Variants in GRIN2A observed in about 807,000 individuals in gnomAD.
GRIN2A encodes the protein glutamate ionotropic receptor NMDA type subunit 2A, also known as glutamate receptor ionotropic, NMDA 2A.
A neutral mutation model predicts 113.4 loss-of-function variants in GRIN2A; 22 were observed. That is an observed-to-expected ratio of 0.19 (90% CI 0.14 to 0.28). GRIN2A has a LOEUF of 0.28. Ranked by LOEUF, GRIN2A falls within the 10% of genes least tolerant of loss-of-function variation. The pLI is 1.00. For missense variants in GRIN2A, 1,502 were observed against 1,887.0 expected, an observed-to-expected ratio of 0.80 and a Z score of 3.78; for synonymous variants, 827 against 738.4, an observed-to-expected ratio of 1.12 and a Z score of -1.94.
intron 11 of GRIN2A, among the ~76,000 whole-genome samples, chr16:9,778,285 C>G (rs1234011740): frequency 1.3e-5 from 2 of 152,126 alleles, no homozygotes; most frequent in African/African-American, 4.8e-5. Context: ...ATCCAGGAAA[C>G]CTTATTATAT....
chr16:9,883,690 A>C (rs998760821), intron 4 of GRIN2A, among the ~76,000 whole-genome samples: 15 of 152,194 alleles, frequency 9.9e-5, no homozygotes, highest in African/African-American at 3.6e-4. Context: ...GACTTTGGAC[A>C]AGGTGATATT....
chr16:9,832,079 A>G (rs1445684230), intron 8 of GRIN2A, among the ~76,000 whole-genome samples: 2 of 146,802 alleles, frequency 1.4e-5, no homozygotes, highest in Admixed American at 1.4e-4. Flanking sequence ...TCATCACGCC[A>G]GGCTTATTTT....
At chr16:9,922,449 G>T (rs1282880581) in intron 3 of GRIN2A, among the ~76,000 whole-genome samples, 1 of 152,114 alleles carries the variant, frequency 6.6e-6, no homozygotes, top group South Asian at 2.1e-4. Context: ...TAAAAACTCG[G>T]ATGAAGGCAG....
At chr16:9,936,407 C>T (rs9932200) in intron 3 of GRIN2A, among the ~76,000 whole-genome samples, 2,129 of 152,240 alleles carry the variant, frequency 0.014, 51 homozygotes, top group African/African-American at 0.049. Flanking sequence ...GCAAGTCATA[C>T]AGAAAGTGGA....
At chr16:9,827,467 G>A (rs1407289056) in intron 9 of GRIN2A, among the ~76,000 whole-genome samples, 1 of 152,204 alleles carries the variant, frequency 6.6e-6, no homozygotes, top group Admixed American at 6.5e-5. Context: ...TTAAGGCCAA[G>A]TCTCCATCTC....
chr16:9,804,773 G>A (rs989326389), intron 10 of GRIN2A, among the ~76,000 whole-genome samples: 1 of 152,146 alleles, frequency 6.6e-6, no homozygotes, highest in Non-Finnish European at 1.5e-5. Context: ...CTACATGACA[G>A]GCTCACCCCC....
intron 2 of GRIN2A, among the ~76,000 whole-genome samples, chr16:10,080,952 G>A (rs2047967572): frequency 6.6e-6 from 1 of 152,104 alleles, no homozygotes; most frequent in Non-Finnish European, 1.5e-5. Context: ...TCGCCTCCCT[G>A]TTAGACTCTG....
At chr16:9,910,784 T>C (rs1475417720) in intron 3 of GRIN2A, among the ~76,000 whole-genome samples, 2 of 152,110 alleles carry the variant, frequency 1.3e-5, no homozygotes, top group Non-Finnish European at 1.5e-5. Context: ...ACCATCTGCC[T>C]GCCTTGGCCT....
intron 9 of GRIN2A, among the ~76,000 whole-genome samples, chr16:9,825,807 C>CA (rs1434681418): frequency 6.6e-5 from 10 of 152,226 alleles, no homozygotes; most frequent in African/African-American, 1.9e-4. Context: ...TGCCCAGAGA[C>CA]AGCATGGCTC....
intron 2 of GRIN2A, among the ~76,000 whole-genome samples, chr16:10,100,148 G>T (rs1455071712): frequency 6.6e-6 from 1 of 152,170 alleles, no homozygotes; most frequent in African/African-American, 2.4e-5. Context: ...CAGGTGAGAC[G>T]TGGGGCTCCA....
chr16:9,995,575 C>G (rs975359634), intron 2 of GRIN2A, among the ~76,000 whole-genome samples: 1 of 152,146 alleles, frequency 6.6e-6, no homozygotes, highest in African/African-American at 2.4e-5. Context: ...AAGGAGGGGT[C>G]CAAACCAGTC....
chr16:9,834,664 G>C (rs1332884740), intron 7 of GRIN2A, among the ~76,000 whole-genome samples: 2 of 152,202 alleles, frequency 1.3e-5, no homozygotes, highest in African/African-American at 4.8e-5. Flanking sequence ...TTACAGGCGT[G>C]AGCCACTGCT....
intron 11 of GRIN2A, among the ~76,000 whole-genome samples, chr16:9,791,728 A>T (rs1158067964): frequency 6.6e-6 from 1 of 151,978 alleles, no homozygotes; most frequent in African/African-American, 2.4e-5. Flanking sequence ...AACACTTTCT[A>T]TTCTGCCTGC....
intron 2 of GRIN2A, among the ~76,000 whole-genome samples, chr16:9,995,847 G>C (rs1233770311): frequency 6.6e-6 from 1 of 151,926 alleles, no homozygotes; most frequent in African/African-American, 2.4e-5. Flanking sequence ...TAAGGCTTAT[G>C]GGATCTATGT....
At chr16:9,920,693 C>A (rs531689820) in intron 3 of GRIN2A, among the ~76,000 whole-genome samples, 1 of 151,786 alleles carries the variant, frequency 6.6e-6, no homozygotes, top group Admixed American at 6.6e-5. Context: ...AGCCTCCTGC[C>A]GTAGCTGGGA....
intron 2 of GRIN2A, among the ~76,000 whole-genome samples, chr16:9,991,747 G>T (rs1006641905): frequency 6.6e-6 from 1 of 152,130 alleles, no homozygotes; most frequent in Non-Finnish European, 1.5e-5. Context: ...CATGTCCTTC[G>T]CAGAGACATG....
chr16:10,100,808 T>G (rs1567298919), intron 2 of GRIN2A, among the ~76,000 whole-genome samples: 1 of 152,208 alleles, frequency 6.6e-6, no homozygotes, highest in Non-Finnish European at 1.5e-5. Context: ...AAAACTGATT[T>G]GAATGGCCCA....
chr16:9,999,766 A>T (rs990676531), intron 2 of GRIN2A, among the ~76,000 whole-genome samples: 1 of 152,144 alleles, frequency 6.6e-6, no homozygotes, highest in African/African-American at 2.4e-5. Flanking sequence ...ATCAAGCAAG[A>T]TACGGAGGCT....
At chr16:9,845,956 G>A (rs980362543) in intron 5 of GRIN2A, among the ~76,000 whole-genome samples, 10 of 152,258 alleles carry the variant, frequency 6.6e-5, no homozygotes, top group Admixed American at 3.9e-4. Context: ...TATCCCCTGT[G>A]CCCAGCAATG....
Sources: allele counts gnomAD v4.1 joint callset (sites outside exome capture counted in the v4.1 genomes callset), GRCh38; gene constraint gnomAD v4.1.1; transcripts MANE v1.5; gene names NCBI Gene and HGNC (gene_info 2026-07-23, HGNC 2026-07-21).